Variants in RCOR1 observed in about 807,000 individuals in gnomAD.
RCOR1 encodes the protein REST corepressor 1.
In RCOR1, 12 loss-of-function variants were observed where a neutral mutation model predicts 64.0. The observed-to-expected ratio is 0.19, with a 90% CI of 0.12 to 0.30. The LOEUF (loss-of-function observed/expected upper bound fraction) is 0.30. Ranked by LOEUF, RCOR1 falls within the 10% of genes least tolerant of loss-of-function variation. RCOR1 has a pLI of 1.00. For missense variants in RCOR1, 502 were observed against 621.2 expected (o/e 0.81, Z 2.04); for synonymous variants, 279 against 227.2 (o/e 1.23, Z -2.05).
chr14:102,604,027 A>G (rs1388935948), intron 2 of RCOR1, among the ~76,000 whole-genome samples: 1 of 152,160 alleles, frequency 6.6e-6, no homozygotes, highest in Non-Finnish European at 1.5e-5. Flanking sequence ...AGGGATAAAA[A>G]TACATTCCTG....
chr14:102,610,339 A>G (rs746425786), intron 2 of RCOR1, among the ~76,000 whole-genome samples: 3 of 152,134 alleles, frequency 2.0e-5, no homozygotes, highest in Non-Finnish European at 4.4e-5. Context: ...CTAGCTACAT[A>G]TAACTATTGA....
intron 7 of RCOR1, among the ~76,000 whole-genome samples, chr14:102,711,536 A>C (rs765824861): frequency 2.6e-5 from 4 of 152,332 alleles, no homozygotes; most frequent in African/African-American, 7.2e-5. Context: ...ATTTTAAAAA[A>C]TCATTATACA....
At chr14:102,602,375 TTTTC>T (rs1893420173) in intron 2 of RCOR1, among the ~76,000 whole-genome samples, 1 of 130,212 alleles carries the variant, frequency 7.7e-6, no homozygotes, top group African/African-American at 2.8e-5. Context: ...ATTAGCATTT[TTTTC>T]TTTTCTTTTC....
At position 102,728,134 on chromosome 14, in the gene RCOR1, G is replaced by A. The variant is rs1896307112; in HGVS notation, c.*1628G>A. 6.6e-6 allele frequency: 1 copy of A among 152,614 alleles called. No homozygotes were observed. Among genetic ancestry groups the A allele is most frequent in the Admixed American group, 6.5e-5 (1 of 15,278 alleles). 9.5% of individuals were successfully genotyped at this position (152,614 alleles called of 1,614,324 possible). On this transcript the variant is annotated 3_prime_UTR_variant, in exon 12 of 12. Transcript: ENST00000262241. ...AGTCAGCTGATTTTCTCTTTAGAAA[G>A]AGGGTCAGCTAGAAACCTAGGTTTT...
At chr14:102,614,664 C>T (rs774258425) in intron 2 of RCOR1, among the ~76,000 whole-genome samples, 2 of 152,034 alleles carry the variant, frequency 1.3e-5, no homozygotes, top group Non-Finnish European at 2.9e-5. Context: ...ATGGTATTGC[C>T]ATTTTTGTAC....
At chr14:102,634,002 G>A (rs1250594870) in intron 2 of RCOR1, among the ~76,000 whole-genome samples, 4 of 152,116 alleles carry the variant, frequency 2.6e-5, no homozygotes, top group African/African-American at 7.2e-5. Flanking sequence ...ACATGCTTGT[G>A]TACTCCACGT....
In RCOR1 at chr14:102,692,196, T is replaced by C. The variant is rs570509408; in HGVS notation, c.446-9082T>C. Among the ~76,000 whole-genome samples, 4 of 152,298 alleles carry C rather than the reference T, an allele frequency of 2.6e-5. No homozygotes were observed. The South Asian group carries it at 8.3e-4, about 32-fold the overall frequency. On this transcript the variant is annotated intron_variant, in intron 3 of 11. Coordinates refer to ENST00000262241, the MANE Select transcript of RCOR1 (RefSeq NM_015156.4). ...TTAAAAAGAGGTGTATATTGATATA[T>C]GTAGGGATGAAATGAAATAATTGGG... is the stretch of plus-strand genomic sequence containing the variant.
At chr14:102,642,276 T>G (rs896339618) in intron 2 of RCOR1, among the ~76,000 whole-genome samples, 2 of 152,218 alleles carry the variant, frequency 1.3e-5, no homozygotes, top group African/African-American at 4.8e-5. Context: ...TGATCTTGAT[T>G]AGTGTAAGTT....
At chr14:102,711,468 GT>G (rs1328226424) in intron 7 of RCOR1, among the ~76,000 whole-genome samples, 2 of 152,194 alleles carry the variant, frequency 1.3e-5, no homozygotes, top group Non-Finnish European at 2.9e-5. Flanking sequence ...CAGCAATTTG[GT>G]CACACCAGGG....
chr14:102,704,041 A>G (rs950460843), intron 4 of RCOR1, among the ~76,000 whole-genome samples: 1 of 152,248 alleles, frequency 6.6e-6, no homozygotes, highest in Admixed American at 6.5e-5. Context: ...CTAGTCAGAT[A>G]GCACCTCTGG....
At chr14:102,709,907 T>C (rs1460694489) in intron 6 of RCOR1, among the ~76,000 whole-genome samples, 1 of 152,224 alleles carries the variant, frequency 6.6e-6, no homozygotes, top group Admixed American at 6.5e-5. Context: ...TCTTACTCCC[T>C]GGAGGCTTTT....
chr14:102,685,102 A>C (rs746712321), intron 3 of RCOR1, among the ~76,000 whole-genome samples: 6 of 151,892 alleles, frequency 4.0e-5, no homozygotes, highest in Non-Finnish European at 7.4e-5. Context: ...CTTCTTTTCA[A>C]AGTGGCTGTT....
At chr14:102,609,509 G>C (rs554120514) in intron 2 of RCOR1, among the ~76,000 whole-genome samples, 2 of 151,242 alleles carry the variant, frequency 1.3e-5, no homozygotes, top group African/African-American at 4.9e-5. Flanking sequence ...GTGCGATCTC[G>C]GCTCACTGCA....
At chr14:102,625,412 T>G (rs1037679125) in intron 2 of RCOR1, among the ~76,000 whole-genome samples, 6 of 151,736 alleles carry the variant, frequency 4.0e-5, no homozygotes, top group African/African-American at 1.5e-4. Context: ...ATTTTGTATT[T>G]TTAGTAGAGA....
At chr14:102,609,450 T>A (rs1893581008) in intron 2 of RCOR1, among the ~76,000 whole-genome samples, 1 of 152,144 alleles carries the variant, frequency 6.6e-6, no homozygotes, top group Admixed American at 6.6e-5. Context: ...TTTTATTTTC[T>A]GTTTTTTGAG....
intron 2 of RCOR1, among the ~76,000 whole-genome samples, chr14:102,647,585 C>T (rs1894502857): frequency 1.3e-5 from 2 of 152,194 alleles, no homozygotes; most frequent in Non-Finnish European, 1.5e-5. Flanking sequence ...TCCCAAAGTG[C>T]TGGGATTACA....
intron 2 of RCOR1, among the ~76,000 whole-genome samples, chr14:102,641,707 T>A (rs937432879): frequency 2.6e-5 from 4 of 152,214 alleles, no homozygotes; most frequent in Non-Finnish European, 5.9e-5. Context: ...TCCATTTTAC[T>A]CATATAAGGA....
At chr14:102,597,699 C>T (rs1020494292) in intron 2 of RCOR1, among the ~76,000 whole-genome samples, 2 of 125,044 alleles carry the variant, frequency 1.6e-5, no homozygotes, top group African/African-American at 6.0e-5. Flanking sequence ...TGCAGTGGCA[C>T]AATCAGCTCA....
intron 3 of RCOR1, among the ~76,000 whole-genome samples, chr14:102,689,207 C>CA (rs1385225295): frequency 1.3e-5 from 2 of 152,176 alleles, no homozygotes; most frequent in Non-Finnish European, 2.9e-5. Context: ...TTAGGAAAAA[C>CA]AAAGTTTACC....
Sources: gnomAD v4.1 joint callset for allele counts (sites outside exome capture counted in the v4.1 genomes callset) on GRCh38, gnomAD v4.1.1 for gene constraint, MANE v1.5 for transcripts, NCBI Gene and HGNC (gene_info 2026-07-23, HGNC 2026-07-21) for gene names.